Variants in EXOC2 observed in about 807,000 individuals in gnomAD.
The protein encoded by EXOC2 is SEC5-like 1.
Under a neutral mutation model 131.8 loss-of-function variants are expected in EXOC2, and 70 were observed. The observed-to-expected ratio is 0.53, with a 90% CI of 0.44 to 0.65. The LOEUF (loss-of-function observed/expected upper bound fraction) is 0.65. Ranked by LOEUF, EXOC2 falls within the 30% of genes least tolerant of loss-of-function variation. The probability of loss-of-function intolerance (pLI) is 0.00; values close to 1 mark genes in which losing one functional copy is unlikely to be tolerated. For synonymous variants in EXOC2, 411 were observed against 398.4 expected (o/e 1.03, Z -0.38); for missense variants, 923 against 1,108.6 (o/e 0.83, Z 2.38).
rs559447014 is a variant in EXOC2, at chr6:577,599, T to TA, written c.1193-718dup. 3.9e-5 allele frequency among the ~76,000 whole-genome samples: 6 copies of TA among 152,356 alleles called. No individual in the cohort carries two copies. In the South Asian group the frequency reaches 1.2e-3, roughly 32 times the overall value. On this transcript the variant is annotated intron_variant, in intron 11 of 27. Coordinates refer to ENST00000230449, the MANE Select transcript of EXOC2 (RefSeq NM_018303.6). ...TAGAATTCCATGTTGCCAAGCATGT[T>TA]AGTAAGGACATTGGCTTGAAGAGGT... is the stretch of plus-strand genomic sequence containing the variant.
chr6:564,425 G>C (rs1757859716), intron 15 of EXOC2, 120 bp downstream of exon 15: 1 of 1,366,784 alleles, frequency 7.3e-7, no homozygotes, highest in Non-Finnish European at 1.0e-6. Context: ...GGAAACAGTG[G>C]AGGCAAAAGG....
At chr6:607,192 C>G (rs1275397028) in intron 7 of EXOC2, among the ~76,000 whole-genome samples, 1 of 152,210 alleles carries the variant, frequency 6.6e-6, no homozygotes, top group East Asian at 1.9e-4. Flanking sequence ...CTGTCATGAA[C>G]TGAACCGTGA....
In EXOC2 at chr6:637,872, A is replaced by T; in HGVS notation, c.-43-11T>A. The T allele has an allele frequency of 3.2e-6, 5 of 1,545,448 alleles. No homozygotes were observed. Among genetic ancestry groups the T allele is most frequent in the Non-Finnish European group, 4.4e-6 (5 of 1,127,118 alleles). ...TGTTAGAGAAGTAATCTGTTAAAAG[A>T]GAAAGAAAAAAGGATTAGTACCAAC... is the stretch of plus-strand genomic sequence containing the variant. On this transcript the variant is annotated splice_polypyrimidine_tract_variant and intron_variant, in intron 1 of 27. Coordinates refer to ENST00000230449, the MANE Select transcript of EXOC2 (RefSeq NM_018303.6).
At chr6:510,456 C>T (rs149793367) in intron 23 of EXOC2, among the ~76,000 whole-genome samples, 1,898 of 152,016 alleles carry the variant, frequency 0.012, 57 homozygotes, top group African/African-American at 0.044. Context: ...ACTCTTTCCT[C>T]GAGAAAAGAG....
chr6:643,350 C>T (rs1762438897), intron 1 of EXOC2, among the ~76,000 whole-genome samples: 1 of 14,394 alleles, frequency 6.9e-5, no homozygotes, highest in Admixed American at 8.1e-4. Context: ...ACAGGCAATT[C>T]CAAAGACCGA....
chr6:668,331 A>G (rs992835597), intron 1 of EXOC2, among the ~76,000 whole-genome samples: 1 of 152,148 alleles, frequency 6.6e-6, no homozygotes, highest in African/African-American at 2.4e-5. Flanking sequence ...TGGGTGACGC[A>G]TGCTTTCTCC....
At position 692,036 on chromosome 6, in the gene EXOC2, C is replaced by T. The variant is rs1764951223; in HGVS notation, c.-44+983G>A. Among the ~76,000 whole-genome samples the T allele has an allele frequency of 2.0e-5, 3 of 152,206 alleles. No individual in the cohort carries two copies. The South Asian group carries it at 6.2e-4, about 32-fold the overall frequency. On this transcript the variant is annotated intron_variant, in intron 1 of 27. Transcript: ENST00000230449. ...TACACAAAGCATGGGCCAGTACATA[C>T]TAACATTCATAAACAAAACATTATT...
At position 497,369 on chromosome 6, in the gene EXOC2, G is replaced by C. The variant is rs770012433; in HGVS notation, c.2557C>G (p.Gln853Glu). 1.2e-6 allele frequency: 2 copies of C among 1,612,958 alleles called. No homozygotes were observed. Among genetic ancestry groups the C allele is most frequent in the South Asian group, 1.1e-5 (1 of 90,686 alleles). Residue 853 changes from glutamine (Q) to glutamate (E), a missense_variant and splice_region_variant, in exon 25 of 28, where the codon CAG becomes GAG. Transcript: ENST00000230449. Reference protein sequence around the residue: ...VSSFSKNGALQARLEICALRD... With the variant: ...VSSFSKNGALEARLEICALRD... ...ATGAAATTGAATGATTTTGTTACCT[G>C]TAAAGCTCCATTTTTGCTGAAGGAT...
intron 23 of EXOC2, among the ~76,000 whole-genome samples, chr6:511,952 T>C (rs1210857260): frequency 2.6e-5 from 4 of 152,366 alleles, no homozygotes; most frequent in African/African-American, 9.6e-5. Flanking sequence ...AGATGCTTTA[T>C]CCAAAAATAA....
At chr6:579,894 AAAAC>A (rs1401522537) in intron 11 of EXOC2, among the ~76,000 whole-genome samples, 1 of 152,254 alleles carries the variant, frequency 6.6e-6, no homozygotes, top group Non-Finnish European at 1.5e-5. Context: ...AAAAAAGAAA[AAAAC>A]AGTTTCCATA....
intron 1 of EXOC2, among the ~76,000 whole-genome samples, chr6:685,869 CTTTTTTT>C (rs58892194): frequency 0.07 from 6,904 of 98,116 alleles, 323 homozygotes; most frequent in Non-Finnish European, 0.1. Flanking sequence ...TCCTGGACCT[CTTTTTTT>C]TTTTTTTTTT....
intron 1 of EXOC2, among the ~76,000 whole-genome samples, chr6:653,665 T>C (rs1762931357): frequency 6.6e-6 from 1 of 152,230 alleles, no homozygotes; most frequent in Non-Finnish European, 1.5e-5. Context: ...ATGCAATGAG[T>C]ACTTATGCAG....
intron 1 of EXOC2, among the ~76,000 whole-genome samples, chr6:643,447 T>C (rs1762444245): frequency 6.6e-6 from 1 of 152,122 alleles, no homozygotes; most frequent in Admixed American, 6.5e-5. Context: ...TTAATACACT[T>C]CTAAATAACC....
At chr6:691,879 G>A (rs1221098012) in intron 1 of EXOC2, among the ~76,000 whole-genome samples, 1 of 152,238 alleles carries the variant, frequency 6.6e-6, no homozygotes, top group Admixed American at 6.5e-5. Context: ...AGACAAACAA[G>A]TGAACATGTA....
chr6:630,049 C>G, intron 3 of EXOC2, 88 bp from the exon 4 acceptor site: 1 of 1,443,412 alleles, frequency 6.9e-7, no homozygotes, highest in South Asian at 1.5e-5. Context: ...TTCTTAAAGA[C>G]CTAATACAAA....
At chr6:491,285 A>G in intron 25 of EXOC2, 99 bp from the exon 26 acceptor site, 1 of 1,259,294 alleles carries the variant, frequency 7.9e-7, no homozygotes, top group East Asian at 2.4e-5. Flanking sequence ...TCATCGTAGG[A>G]TGGGGTTGGC....
chr6:538,735 T>C (rs2493042), intron 22 of EXOC2, among the ~76,000 whole-genome samples: 145,425 of 152,326 alleles, frequency 0.95, 69,489 homozygotes, highest in East Asian at 1. Flanking sequence ...ATTCAGTATG[T>C]TCCCTGGCTT....
At chr6:525,100 CGG>C in intron 23 of EXOC2, 1 of 152,180 alleles carries the variant, frequency 6.6e-6, no homozygotes, top group African/African-American at 2.4e-5. Flanking sequence ...AACTGTGGAA[CGG>C]TTAGTCTGAT....
chr6:629,573 A>G (rs1581589494), intron 4 of EXOC2, among the ~76,000 whole-genome samples: 2 of 152,350 alleles, frequency 1.3e-5, no homozygotes, highest in Admixed American at 1.3e-4. Context: ...ACAACATACT[A>G]AAGACTTTTC....
Sources: allele counts gnomAD v4.1 joint callset (sites outside exome capture counted in the v4.1 genomes callset), GRCh38; gene constraint gnomAD v4.1.1; transcripts MANE v1.5; gene names NCBI Gene and HGNC (gene_info 2026-07-23, HGNC 2026-07-21).